Variants in DSC3 observed in about 807,000 individuals in gnomAD.
The protein encoded by DSC3 is desmocollin 3, also known as desmocollin-3.
Under a neutral mutation model 89.5 loss-of-function variants are expected in DSC3, and 97 were observed. That is an observed-to-expected ratio of 1.08 (90% CI 0.92 to 1.28). DSC3 has a LOEUF of 1.28. DSC3 is among the 50% of genes most tolerant of loss of function. The pLI is 0.00. For missense variants in DSC3, 1,199 were observed against 1,085.3 expected (o/e 1.10, Z -1.47); for synonymous variants, 436 against 384.1 (o/e 1.14, Z -1.58).
At chr18:31,041,374 G>T (rs2144747528) in intron 1 of DSC3, among the ~76,000 whole-genome samples, 1 of 152,320 alleles carries the variant, frequency 6.6e-6, no homozygotes, top group South Asian at 2.1e-4. Flanking sequence ...CGGGCAAATG[G>T]ATGCGCTTAT....
intron 1 of DSC3, among the ~76,000 whole-genome samples, chr18:31,036,532 T>C (rs1985973932): frequency 6.6e-6 from 1 of 152,096 alleles, no homozygotes; most frequent in Non-Finnish European, 1.5e-5. Context: ...TACCAGATAC[T>C]CAAAAACCTC....
rs1235395730 is a variant in DSC3 at position 30,992,475 on chromosome 18, A to T, written c.*1700T>A. 1.3e-5 allele frequency: 2 copies of T among 152,216 alleles called. No individual in the cohort carries two copies. The highest frequency in any genetic ancestry group is 4.8e-5 in the African/African-American group (2 of 41,448). The allele number at this position is 152,216 out of a possible 1,614,324, so 9.4% of individuals were successfully genotyped here. On this transcript the variant is annotated 3_prime_UTR_variant, in exon 16 of 16. Coordinates refer to ENST00000360428, the MANE Select transcript of DSC3 (RefSeq NM_001941.5). ...TGAGCCATAGAGAAGAGGTTGGCTG[A>T]TCCCTCACCGGACTCAAATGGCAGT...
intron 9 of DSC3, among the ~76,000 whole-genome samples, chr18:31,011,170 G>T (rs75298624): frequency 6.6e-6 from 1 of 152,142 alleles, no homozygotes; most frequent in African/African-American, 2.4e-5. Context: ...TGTGGCATTG[G>T]GAAAGTTATT....
Position 30,994,579 on chromosome 18 carries a change from A to G in DSC3, c.2494-207T>C, listed in dbSNP as rs566394823. The G allele has an allele frequency of 1.0e-4, 111 of 1,100,250 alleles. 1 individual carries two copies. In the East Asian group the frequency reaches 3.3e-3, roughly 32 times the overall value. 68.2% of individuals were successfully genotyped at this position (1,100,250 alleles called of 1,614,324 possible). On this transcript the variant is annotated intron_variant, in intron 15 of 15. Coordinates refer to ENST00000360428, the MANE Select transcript of DSC3 (RefSeq NM_001941.5). ...ATAGTTTACATTTCTAGTGCTCCAT[A>G]TAAATAAAAAATTATGTATACAAGT...
chr18:31,007,932 C>T lies in DSC3; in HGVS notation c.1663+84G>A, dbSNP rs1440033992. ...AATTTCAAAGAATTCCATACACTTA[C>T]CACCAAAATAAATCTGCATAAGAAT... On this transcript the variant is annotated intron_variant, in intron 11 of 15. Transcript: ENST00000360428. 6.3e-6 allele frequency: 8 copies of T among 1,264,550 alleles called. No individual in the cohort carries two copies. The East Asian group carries it at 2.0e-4, about 31-fold the overall frequency. 78.3% of individuals were successfully genotyped at this position (1,264,550 alleles called of 1,614,324 possible).
At chr18:31,032,615 T>C (rs969563583) in intron 1 of DSC3, among the ~76,000 whole-genome samples, 5 of 148,476 alleles carry the variant, frequency 3.4e-5, no homozygotes, top group Admixed American at 6.7e-5. Flanking sequence ...TGTGCGTGTG[T>C]GACTGAGTCT....
At position 31,031,375 on chromosome 18, in the gene DSC3, T is replaced by C. The variant is rs116069602; in HGVS notation, c.155-203A>G. Among the ~76,000 whole-genome samples, 602 of 152,354 alleles carry C rather than the reference T, an allele frequency of 4.0e-3. 3 individuals carry two copies. Among genetic ancestry groups the C allele is most frequent in the African/African-American group, 0.014 (566 of 41,576 alleles). ...TCAGTTAACAAATAATTATTGAGTG[T>C]ATATTTCTATTAAATAAGGTGTTTT... On this transcript the variant is annotated intron_variant, in intron 2 of 15. Transcript: ENST00000360428.
chr18:30,997,095 T>C, intron 14 of DSC3, 47 bp from the exon 15 acceptor site: 1 of 1,609,704 alleles, frequency 6.2e-7, no homozygotes. Context: ...AAATGGATTC[T>C]AAGTTGTCAT....
intron 9 of DSC3, among the ~76,000 whole-genome samples, chr18:31,011,006 G>T (rs1985038719): frequency 6.6e-6 from 1 of 152,186 alleles, no homozygotes; most frequent in Admixed American, 6.5e-5. Context: ...TATTAGGGAG[G>T]CAGAAAGAAG....
chr18:31,033,937 C>T (rs1466920183), intron 1 of DSC3, among the ~76,000 whole-genome samples: 1 of 152,158 alleles, frequency 6.6e-6, no homozygotes, highest in Non-Finnish European at 1.5e-5. Flanking sequence ...CATTCTCCTG[C>T]CTCAGCCTCC....
chr18:31,014,356 C>G (rs776243661), intron 9 of DSC3, among the ~76,000 whole-genome samples: 1 of 151,620 alleles, frequency 6.6e-6, no homozygotes, highest in Non-Finnish European at 1.5e-5. Flanking sequence ...TATAAAATAC[C>G]TTTTGAATAA....
At chr18:31,025,949 A>G (rs763191369) in intron 4 of DSC3, 34 bp from the exon 5 acceptor site, 1 of 1,586,434 alleles carries the variant, frequency 6.3e-7, no homozygotes, top group Admixed American at 1.7e-5. Context: ...AAAAAAATTA[A>G]AACTAAATTC....
intron 9 of DSC3, among the ~76,000 whole-genome samples, chr18:31,009,377 C>T (rs1373144779): frequency 6.6e-6 from 1 of 152,070 alleles, no homozygotes; most frequent in African/African-American, 2.4e-5. Context: ...TAATTGCCCT[C>T]TAAGGCATCT....
chr18:31,017,997 CTATT>C (rs775971704), intron 9 of DSC3, 70 bp downstream of exon 9: 112 of 1,298,484 alleles, frequency 8.6e-5, no homozygotes, highest in Non-Finnish European at 1.1e-4. Flanking sequence ...TGGTCTGAAA[CTATT>C]TAGTTGATTA....
chr18:30,998,789 A>C (rs1598598029), intron 14 of DSC3, among the ~76,000 whole-genome samples: 1 of 152,220 alleles, frequency 6.6e-6, no homozygotes, highest in South Asian at 2.1e-4. Flanking sequence ...GTTAACAACA[A>C]CAACAGAAAA....
At chr18:31,025,268 G>A (rs34339591) in intron 5 of DSC3, among the ~76,000 whole-genome samples, 4,923 of 152,108 alleles carry the variant, frequency 0.032, 110 homozygotes, top group Middle Eastern at 0.065. Context: ...TCAGAATACT[G>A]GCTTATTAGC....
intron 1 of DSC3, among the ~76,000 whole-genome samples, chr18:31,035,992 A>G (rs545329463): frequency 2.0e-5 from 3 of 152,114 alleles, no homozygotes; most frequent in Non-Finnish European, 4.4e-5. Flanking sequence ...TTTTCCATAA[A>G]TGTACCACAG....
chr18:31,007,077 T>C lies in DSC3; in HGVS notation c.1718A>G (p.Asn573Ser). The C allele has an allele frequency of 6.2e-7, 1 of 1,613,924 alleles. No individual in the cohort carries two copies. The highest frequency in any genetic ancestry group is 8.5e-7 in the Non-Finnish European group (1 of 1,179,910). The part of the protein sequence containing the change: ...LAVNIEDVND[N>S]PPEILQEYVV... ...ATATTCTTGAAGTATTTCTGGTGGA[T>C]TATCATTTACATCTTCAATGTTCAC... Residue 573 changes from asparagine to serine, a missense_variant, in exon 12 of 16, where the codon AAT (asparagine) becomes AGT (serine). By Grantham distance (46) the Asn-to-Ser change is conservative. Transcript: ENST00000360428.
intron 2 of DSC3, among the ~76,000 whole-genome samples, chr18:31,031,782 T>C (rs1192872195): frequency 6.6e-6 from 1 of 152,226 alleles, no homozygotes; most frequent in East Asian, 1.9e-4. Context: ...TTCTGGCCTC[T>C]AGTAACAGGT....
Sources: allele counts gnomAD v4.1 joint callset (sites outside exome capture counted in the v4.1 genomes callset), GRCh38; gene constraint gnomAD v4.1.1; transcripts MANE v1.5; gene names NCBI Gene and HGNC (gene_info 2026-07-23, HGNC 2026-07-21).